Variants in VPS4B observed in about 807,000 individuals in gnomAD.
The protein encoded by VPS4B is vacuolar protein sorting-associated protein 4B.
A neutral mutation model predicts 56.1 loss-of-function variants in VPS4B; 23 were observed. The ratio of observed to expected loss-of-function variants is 0.41; its 90% CI spans 0.30 to 0.58. VPS4B has a LOEUF of 0.58. Ranked by LOEUF, VPS4B falls within the 20% of genes least tolerant of loss-of-function variation. The probability of loss-of-function intolerance (pLI) is 0.29; values close to 1 mark genes in which losing one functional copy is unlikely to be tolerated. For missense variants in VPS4B, 372 were observed against 531.9 expected (o/e 0.70, Z 2.96); for synonymous variants, 177 against 186.0 (o/e 0.95, Z 0.39).
chr18:63,408,215 T>C (rs1915959739), intron 3 of VPS4B, among the ~76,000 whole-genome samples: 1 of 152,232 alleles, frequency 6.6e-6, no homozygotes, highest in Admixed American at 6.5e-5. Context: ...ATTGGAAAGA[T>C]ATTCCTGATA....
At chr18:63,415,090 T>C (rs894027987) in intron 1 of VPS4B, among the ~76,000 whole-genome samples, 4 of 152,364 alleles carry the variant, frequency 2.6e-5, no homozygotes, top group Middle Eastern at 6.8e-3. Flanking sequence ...TCGAAGACGA[T>C]GAATTAAGAG....
In VPS4B at chr18:63,397,257, A is replaced by T. The variant is rs892835623; in HGVS notation, c.873-4T>A. On this transcript the variant is annotated splice_region_variant and splice_polypyrimidine_tract_variant and intron_variant, in intron 8 of 10. Coordinates refer to ENST00000238497, the MANE Select transcript of VPS4B (RefSeq NM_004869.4). ...AATATAAATTCGTTTCTCAAATCTT[A>T]AAAGAGAAATTACATCAAGAATATA... 6.3e-7 allele frequency: 1 copy of T among 1,594,926 alleles called. No individual in the cohort carries two copies. The highest frequency in any genetic ancestry group is 1.1e-5 in the South Asian group (1 of 87,544).
At chr18:63,409,037 A>G (rs1281591102) in intron 3 of VPS4B, among the ~76,000 whole-genome samples, 1 of 152,176 alleles carries the variant, frequency 6.6e-6, no homozygotes, top group African/African-American at 2.4e-5. Context: ...TTTATACCAA[A>G]TGTCCTCACT....
chr18:63,396,765 G>C (rs887039576), intron 9 of VPS4B: 11 of 378,488 alleles, frequency 2.9e-5, no homozygotes, highest in Non-Finnish European at 5.3e-5. Context: ...GAGGTGGGTG[G>C]ATCACCTGGA....
chr18:63,396,758 G>A (rs60283261), intron 9 of VPS4B: 141 of 371,906 alleles, frequency 3.8e-4, no homozygotes, highest in African/African-American at 2.8e-3. Context: ...GGAGGCCGAG[G>A]TGGGTGGATC....
rs1251075712 is a variant in VPS4B at position 63,393,386 on chromosome 18, TAAAAAC to T, written c.1233+17_1233+22del. 7.7e-6 allele frequency: 12 copies of T among 1,565,806 alleles called. No individual in the cohort carries two copies. The highest frequency in any genetic ancestry group is 2.0e-5 in the Admixed American group (1 of 49,074). On this transcript the variant is annotated intron_variant, in intron 10 of 10. Coordinates refer to ENST00000238497, the MANE Select transcript of VPS4B (RefSeq NM_004869.4). ...AGTATAATGTTTTAAAATATTTTCT[TAAAAAC>T]AAACAAAATTTCAAACCATGGAAAC...
chr18:63,421,894 G>T (rs1267009764), intron 1 of VPS4B, among the ~76,000 whole-genome samples: 1 of 152,166 alleles, frequency 6.6e-6, no homozygotes, highest in African/African-American at 2.4e-5. Flanking sequence ...TCTTCAACTG[G>T]TCCAGAATAG....
At chr18:63,402,654 A>G (rs1915835795) in intron 5 of VPS4B, among the ~76,000 whole-genome samples, 1 of 152,268 alleles carries the variant, frequency 6.6e-6, no homozygotes, top group African/African-American at 2.4e-5. Context: ...TGATACATCA[A>G]TGACTCATGT....
intron 7 of VPS4B, 64 bp downstream of exon 7, chr18:63,399,984 A>G: frequency 3.3e-6 from 5 of 1,512,764 alleles, no homozygotes; most frequent in East Asian, 2.3e-5. Flanking sequence ...GCGCCACTGC[A>G]CTCCAGCCTG....
intron 8 of VPS4B, among the ~76,000 whole-genome samples, chr18:63,398,226 T>A (rs1915722052): frequency 1.3e-4 from 6 of 45,318 alleles, no homozygotes; most frequent in African/African-American, 4.2e-4. Flanking sequence ...TATATATATT[T>A]TTTTTTGAGA....
intron 1 of VPS4B, among the ~76,000 whole-genome samples, chr18:63,420,810 T>C (rs1174517005): frequency 6.6e-6 from 1 of 151,896 alleles, no homozygotes; most frequent in East Asian, 1.9e-4. Context: ...GAGGCTGAGG[T>C]AGGCGGATCA....
chr18:63,419,297 C>T lies in VPS4B; in HGVS notation c.27+2936G>A, dbSNP rs182980243. On this transcript the variant is annotated intron_variant, in intron 1 of 10. Transcript: ENST00000238497. ...GGTGTGTTGGTGCATGCCTGTAATC[C>T]CAGCTGCTACATGGGGGGCTGATGC... is the stretch of plus-strand genomic sequence containing the variant. Among the ~76,000 whole-genome samples, 11 of 152,182 alleles carry T rather than the reference C, an allele frequency of 7.2e-5. 1 individual carries two copies. The highest frequency in any genetic ancestry group is 7.2e-4 in the Admixed American group (11 of 15,278).
intron 4 of VPS4B, among the ~76,000 whole-genome samples, chr18:63,405,135 T>C (rs1355260909): frequency 2.0e-5 from 3 of 152,144 alleles, no homozygotes; most frequent in Admixed American, 6.5e-5. Flanking sequence ...TTGGAATGTT[T>C]ACTGATAAAC....
chr18:63,405,277 C>T (rs1568087186), intron 4 of VPS4B, among the ~76,000 whole-genome samples: 2 of 152,046 alleles, frequency 1.3e-5, no homozygotes, highest in South Asian at 4.1e-4. Flanking sequence ...TAGTATATTA[C>T]TTAATCACAA....
At chr18:63,403,853 T>G in intron 4 of VPS4B, 27 bp from the exon 5 acceptor site, 3 of 1,587,994 alleles carry the variant, frequency 1.9e-6, no homozygotes, top group Non-Finnish European at 2.6e-6. Context: ...TATCTTTAAA[T>G]TAAGAAAGAC....
chr18:63,407,277 C>A (rs1036515047), intron 4 of VPS4B, 155 bp downstream of exon 4: 7 of 647,016 alleles, frequency 1.1e-5, no homozygotes, highest in Non-Finnish European at 1.6e-5. Context: ...CCTAAGAAAA[C>A]ACTCTAAACA....
Position 63,397,130 on chromosome 18 carries a change from T to G in VPS4B, c.996A>C (p.Lys332Asn). 6.2e-7 allele frequency: 1 copy of G among 1,614,192 alleles called. No individual in the cohort carries two copies. Among genetic ancestry groups the G allele is most frequent in the Non-Finnish European group, 8.5e-7 (1 of 1,180,036 alleles). The change falls in exon 9 of 11, where the codon AAA (lysine) becomes AAC (asparagine). Residue 332 changes from lysine (K) to asparagine (N), a missense_variant. Lys to Asn is a moderately conservative substitution (Grantham distance 94). Around this residue, in one of 3 missense-constraint regions of VPS4B, gnomAD observed 153 missense variants for 190.9 expected, o/e 0.80. Transcript: ENST00000238497. ...TATCTGCCCCTGAATAACCATCTGT[T>G]TTCCTCCCAAGTTCCCGAAAGTCTG... The part of the protein sequence containing the change: ...TEADFRELGR[K>N]TDGYSGADIS...
At chr18:63,403,962 G>T in intron 4 of VPS4B, 136 bp from the exon 5 acceptor site, 3 of 997,270 alleles carry the variant, frequency 3.0e-6, no homozygotes, top group Non-Finnish European at 4.2e-6. Flanking sequence ...TTTTGAAATA[G>T]CGTGAGCAGG....
chr18:63,401,676 G>A (rs77626750), intron 5 of VPS4B, among the ~76,000 whole-genome samples: 7 of 152,076 alleles, frequency 4.6e-5, no homozygotes, highest in Non-Finnish European at 1.0e-4. Flanking sequence ...GTTACAGCTG[G>A]CAGTAAACTA....
Sources: allele counts gnomAD v4.1 joint callset (sites outside exome capture counted in the v4.1 genomes callset), GRCh38; gene constraint gnomAD v4.1.1; regional missense constraint gnomAD v4.1.1; transcripts MANE v1.5; gene names NCBI Gene and HGNC (gene_info 2026-07-23, HGNC 2026-07-21).